Variants in KATNAL1 observed in about 807,000 individuals in gnomAD.
KATNAL1 encodes the protein katanin catalytic subunit A1 like 1.
KATNAL1 carries 32 observed loss-of-function variants against 55.2 expected under a neutral mutation model. The ratio of observed to expected loss-of-function variants is 0.58; its 90% CI spans 0.44 to 0.78. The LOEUF (loss-of-function observed/expected upper bound fraction) is 0.78. Among genes scored for constraint, KATNAL1 ranks in the 30% least tolerant of loss-of-function variants. The pLI, the probability that KATNAL1 is intolerant of heterozygous loss-of-function variation, is 0.00. For missense variants in KATNAL1, 466 were observed against 600.9 expected (o/e 0.78, Z 2.35); for synonymous variants, 193 against 193.6 (o/e 1.00, Z 0.02).
intron 3 of KATNAL1, among the ~76,000 whole-genome samples, chr13:30,274,907 G>GCGCGCGCGCGCGCGCACACA (rs869107567): frequency 5.7e-5 from 6 of 105,388 alleles, no homozygotes; most frequent in South Asian, 3.2e-4. Context: ...GCGCGCGCGC[G>GCGCGCGCGCGCGCGCACACA]CACACACACA....
At chr13:30,286,319 G>A (rs1418090071) in intron 1 of KATNAL1, among the ~76,000 whole-genome samples, 1 of 152,230 alleles carries the variant, frequency 6.6e-6, no homozygotes, top group Non-Finnish European at 1.5e-5. Flanking sequence ...TCCTGGGCTG[G>A]GTCCAGGGCC....
Position 30,299,662 on chromosome 13 carries a change from A to C in KATNAL1, c.-15+7669T>G, listed in dbSNP as rs183497388. ...ATTTTAGCAATGTCTAATATTTGAC[A>C]ATGTCTCTTATTTTGAGATTATGTA... On this transcript the variant is annotated intron_variant, in intron 1 of 10. Transcript: ENST00000380615. 4.6e-5 allele frequency among the ~76,000 whole-genome samples: 7 copies of C among 152,318 alleles called. No homozygotes were observed. The East Asian group carries it at 1.3e-3, about 29-fold the overall frequency.
intron 1 of KATNAL1, among the ~76,000 whole-genome samples, chr13:30,299,631 C>A (rs181897144): frequency 4.7e-4 from 71 of 152,176 alleles, no homozygotes; most frequent in Admixed American, 1.1e-3. Context: ...AATCTAAAGA[C>A]AAAATATTTT....
intron 1 of KATNAL1, among the ~76,000 whole-genome samples, chr13:30,292,882 C>T (rs941629299): frequency 1.3e-5 from 2 of 152,082 alleles, no homozygotes; most frequent in African/African-American, 2.4e-5. Flanking sequence ...ATGGCATTTC[C>T]CTAATACATT....
intron 7 of KATNAL1, 98 bp from the exon 8 acceptor site, chr13:30,230,692 A>G: frequency 1.2e-6 from 1 of 863,816 alleles, no homozygotes; most frequent in Non-Finnish European, 1.7e-6. Context: ...GAGAGCAGAA[A>G]CTTCTCACTG....
At chr13:30,235,961 T>C (rs767881003) in intron 6 of KATNAL1, among the ~76,000 whole-genome samples, 8 of 152,130 alleles carry the variant, frequency 5.3e-5, no homozygotes, top group Non-Finnish European at 8.8e-5. Flanking sequence ...ACAATAAAGC[T>C]AGAAAAAAGA....
At chr13:30,283,935 G>C in intron 1 of KATNAL1, 144 bp from the exon 2 acceptor site, 1 of 585,386 alleles carries the variant, frequency 1.7e-6, no homozygotes, top group East Asian at 3.0e-5. Context: ...GAGTGCAGCA[G>C]CATGATCTTG....
intron 1 of KATNAL1, chr13:30,296,021 T>C (rs573829983): frequency 2.7e-4 from 51 of 186,274 alleles, no homozygotes; most frequent in African/African-American, 1.3e-3. Flanking sequence ...CTGGGCAACA[T>C]AGCAAGATGC....
At chr13:30,266,097 C>A (rs1879763560) in intron 3 of KATNAL1, among the ~76,000 whole-genome samples, 1 of 151,602 alleles carries the variant, frequency 6.6e-6, no homozygotes, top group Admixed American at 6.6e-5. Context: ...TCACTGCAAC[C>A]TCTACCTCCC....
chr13:30,214,462 C>G (rs568764377), intron 9 of KATNAL1, among the ~76,000 whole-genome samples: 138 of 152,186 alleles, frequency 9.1e-4, no homozygotes, highest in African/African-American at 3.3e-3. Context: ...CCCACGTCGC[C>G]AAGTCAATCC....
Position 30,207,434 on chromosome 13 carries a change from G to A in KATNAL1, c.*1106C>T, listed in dbSNP as rs1464160364. On this transcript the variant is annotated 3_prime_UTR_variant, in exon 11 of 11. Coordinates refer to ENST00000380615, the MANE Select transcript of KATNAL1 (RefSeq NM_032116.5). ...TGTATGATGCTGTTTTGTTAAACTA[G>A]CTGTTTGGAAAACAATAAAGATTTC... is the stretch of plus-strand genomic sequence containing the variant. The A allele has an allele frequency of 2.0e-5, 3 of 152,188 alleles. No homozygotes were observed. Among genetic ancestry groups the A allele is most frequent in the Non-Finnish European group, 4.4e-5 (3 of 68,034 alleles). 9.4% of individuals were successfully genotyped at this position (152,188 alleles called of 1,614,324 possible).
chr13:30,218,223 T>TATATAC (rs1874498507), intron 9 of KATNAL1, among the ~76,000 whole-genome samples: 1 of 142,464 alleles, frequency 7.0e-6, no homozygotes, highest in African/African-American at 2.6e-5. Flanking sequence ...TATATATATA[T>TATATAC]ATATAAAGGA....
chr13:30,204,861 T>C lies in KATNAL1; in HGVS notation c.*3679A>G, dbSNP rs994868149. On this transcript the variant is annotated 3_prime_UTR_variant, in exon 11 of 11. Coordinates refer to ENST00000380615, the MANE Select transcript of KATNAL1 (RefSeq NM_032116.5). Reference sequence around the variant, plus strand: ...CAAAATGGCTAGGTATTGTGGGAGGTAGTGGTCAGACCCGAAAGTGTGTAG... The same window carrying C: ...CAAAATGGCTAGGTATTGTGGGAGGCAGTGGTCAGACCCGAAAGTGTGTAG... 1 of 152,068 alleles carries C rather than the reference T, an allele frequency of 6.6e-6. No homozygotes were observed. Among genetic ancestry groups the C allele is most frequent in the African/African-American group, 2.4e-5 (1 of 41,390 alleles). The allele number at this position is 152,068 out of a possible 1,614,324, so 9.4% of individuals were successfully genotyped here. A position where few individuals can be genotyped will look rare whatever the true frequency, so the allele number is the denominator to read the frequency against.
chr13:30,231,787 A>G (rs1187087127), intron 6 of KATNAL1, among the ~76,000 whole-genome samples: 1 of 152,208 alleles, frequency 6.6e-6, no homozygotes, highest in African/African-American at 2.4e-5. Flanking sequence ...TATAATATTC[A>G]GCACTGCTTA....
chr13:30,256,481 T>A (rs528291057), intron 3 of KATNAL1, among the ~76,000 whole-genome samples: 1 of 152,188 alleles, frequency 6.6e-6, no homozygotes, highest in African/African-American at 2.4e-5. Context: ...TATGTATGTA[T>A]CTGTAGCCCT....
intron 6 of KATNAL1, among the ~76,000 whole-genome samples, chr13:30,237,378 C>A (rs1367024567): frequency 6.6e-6 from 1 of 152,130 alleles, no homozygotes; most frequent in Non-Finnish European, 1.5e-5. Flanking sequence ...CTGAGAAGTG[C>A]TAAGATAGGC....
At chr13:30,268,875 A>G (rs1440376519) in intron 3 of KATNAL1, among the ~76,000 whole-genome samples, 2 of 152,206 alleles carry the variant, frequency 1.3e-5, no homozygotes, top group Non-Finnish European at 2.9e-5. Flanking sequence ...TACTTACTGA[A>G]TACTTACACT....
At chr13:30,210,229 C>A in intron 10 of KATNAL1, 87 bp downstream of exon 10, 1 of 1,125,476 alleles carries the variant, frequency 8.9e-7, no homozygotes. Context: ...TGTCTAACTA[C>A]ACTGGGCTAA....
In KATNAL1 at chr13:30,232,079, A is replaced by AT. The variant is rs537757718; in HGVS notation, c.727-608dup. ...ATAGTGATGAAAGAACCAGTACAGA[A>AT]TAAAAACTAAACTTCAGTTACTTCT... On this transcript the variant is annotated intron_variant, in intron 6 of 10. Transcript: ENST00000380615. 2.0e-5 allele frequency among the ~76,000 whole-genome samples: 3 copies of AT among 152,322 alleles called. No homozygotes were observed. The South Asian group carries it at 6.2e-4, about 32-fold the overall frequency.
Sources: gnomAD v4.1 joint callset for allele counts (sites outside exome capture counted in the v4.1 genomes callset) on GRCh38, gnomAD v4.1.1 for gene constraint, MANE v1.5 for transcripts, NCBI Gene and HGNC (gene_info 2026-07-23, HGNC 2026-07-21) for gene names.